UNC13C: variants seen among roughly 807,000 people sequenced by gnomAD.
UNC13C encodes the protein protein unc-13 homolog C.
In UNC13C, 174 loss-of-function variants were observed where a neutral mutation model predicts 245.4. The ratio of observed to expected loss-of-function variants is 0.71; its 90% CI spans 0.63 to 0.80. The LOEUF (loss-of-function observed/expected upper bound fraction) is 0.80, where lower values mean the gene tolerates loss of function less well. Ranked by LOEUF, UNC13C falls within the 30% of genes least tolerant of loss-of-function variation. UNC13C has a pLI of 0.00. For missense variants in UNC13C, 2,829 were observed against 2,602.9 expected (o/e 1.09, Z -1.89); for synonymous variants, 992 against 895.1 (o/e 1.11, Z -1.93).
At chr15:54,420,714 C>T (rs186139793) in intron 19 of UNC13C, among the ~76,000 whole-genome samples, 61 of 151,996 alleles carry the variant, frequency 4.0e-4, no homozygotes, top group African/African-American at 1.4e-3. Context: ...CTTCATTTCT[C>T]TCAGCCCTTC....
intron 28 of UNC13C, among the ~76,000 whole-genome samples, chr15:54,552,797 A>AAT (rs1896872727): frequency 1.0e-5 from 1 of 95,408 alleles, no homozygotes; most frequent in Non-Finnish European, 1.8e-5. Flanking sequence ...TATATAATAT[A>AAT]TTATATAGTA....
chr15:54,382,683 A>G (rs1385497728), intron 17 of UNC13C, among the ~76,000 whole-genome samples: 4 of 152,142 alleles, frequency 2.6e-5, no homozygotes, highest in African/African-American at 4.8e-5. Context: ...CTAACCCAAA[A>G]TTAGCAGAAG....
At chr15:54,411,632 T>C (rs1331183185) in intron 18 of UNC13C, among the ~76,000 whole-genome samples, 1 of 152,198 alleles carries the variant, frequency 6.6e-6, no homozygotes. Context: ...TTACACATTG[T>C]TGAAAATTAG....
At chr15:54,123,937 T>G (rs1471722255) in intron 2 of UNC13C, among the ~76,000 whole-genome samples, 1 of 152,194 alleles carries the variant, frequency 6.6e-6, no homozygotes, top group Non-Finnish European at 1.5e-5. Context: ...ATTATATAAA[T>G]GAAATTATAG....
At chr15:53,882,715 C>G in the UNC13C span, among the ~76,000 whole-genome samples, 3 of 152,114 alleles carry the variant, frequency 2.0e-5, no homozygotes, top group Non-Finnish European at 4.4e-5. Flanking sequence ...TGGAGTAAAA[C>G]CAGTGTATTC....
chr15:53,950,218 A>G, the UNC13C span, among the ~76,000 whole-genome samples: 1 of 152,186 alleles, frequency 6.6e-6, no homozygotes, highest in African/African-American at 2.4e-5. Flanking sequence ...ATCACGTGGA[A>G]CAAACCTTAT....
intron 30 of UNC13C, among the ~76,000 whole-genome samples, chr15:54,578,893 C>T (rs1160798118): frequency 6.6e-6 from 1 of 152,172 alleles, no homozygotes. Context: ...ACATGCCTGG[C>T]TCCTGGGTGC....
chr15:53,878,911 A>G, the UNC13C span, among the ~76,000 whole-genome samples: 1 of 152,182 alleles, frequency 6.6e-6, no homozygotes, highest in African/African-American at 2.4e-5. Flanking sequence ...TAACTTTTAG[A>G]AAATTTGCAA....
At chr15:54,612,258 A>G (rs1435075327) in intron 30 of UNC13C, among the ~76,000 whole-genome samples, 1 of 141,768 alleles carries the variant, frequency 7.1e-6, no homozygotes, top group Non-Finnish European at 1.5e-5. Context: ...TTTGTTTAAA[A>G]TATATGCTAA....
Position 54,013,666 on chromosome 15 carries a change from C to T in UNC13C, c.763C>T (p.Gln255Ter). 6.2e-7 allele frequency: 1 copy of T among 1,613,724 alleles called. No homozygotes were observed. Among genetic ancestry groups the T allele is most frequent in the Non-Finnish European group, 8.5e-7 (1 of 1,179,816 alleles). The change falls in exon 2 of 33, where the codon CAG becomes TAG. Residue 255 changes from glutamine to a stop codon, truncating the protein, a stop_gained. Transcript: ENST00000260323. LOFTEE classifies it high-confidence loss of function. ...CTTTAAGGAACTTCAGGGAATAAGT[C>T]AGATTGAAACAGAACTTTCTGAACT... Reference protein sequence around the residue: ...MIFKELQGISQIETELSELRG... With the variant: ...MIFKELQGIS
intron 2 of UNC13C, among the ~76,000 whole-genome samples, chr15:54,142,149 T>G (rs1310660354): frequency 6.6e-6 from 1 of 152,200 alleles, no homozygotes; most frequent in African/African-American, 2.4e-5. Flanking sequence ...GTAGACTCTA[T>G]CCTATGACCA....
chr15:54,423,273 G>T (rs67781205), intron 19 of UNC13C, among the ~76,000 whole-genome samples: 2 of 151,506 alleles, frequency 1.3e-5, no homozygotes, highest in African/African-American at 4.8e-5. Flanking sequence ...ATGAAACTTT[G>T]TAATTTCATT....
intron 4 of UNC13C, among the ~76,000 whole-genome samples, chr15:54,147,588 A>G (rs1347136386): frequency 6.6e-6 from 1 of 152,162 alleles, no homozygotes; most frequent in African/African-American, 2.4e-5. Flanking sequence ...TGTGAAACAC[A>G]TTTTTAATTA....
intron 19 of UNC13C, among the ~76,000 whole-genome samples, chr15:54,429,917 T>C (rs1267159202): frequency 6.6e-6 from 1 of 151,712 alleles, no homozygotes; most frequent in Non-Finnish European, 1.5e-5. Flanking sequence ...ATTTTAATGG[T>C]ATTTTATCTT....
the UNC13C span, among the ~76,000 whole-genome samples, chr15:53,965,258 C>T: frequency 0.13 from 19,247 of 152,016 alleles, 1,601 homozygotes; most frequent in East Asian, 0.3. Flanking sequence ...AACCCATGAC[C>T]CTTCAATCAT....
chr15:54,479,364 A>G (rs1012360192), intron 19 of UNC13C, among the ~76,000 whole-genome samples: 11 of 152,022 alleles, frequency 7.2e-5, no homozygotes, highest in African/African-American at 1.9e-4. Context: ...TTTTTAATGT[A>G]AAGTCTCTTT....
At chr15:54,442,008 T>G (rs1325781056) in intron 19 of UNC13C, among the ~76,000 whole-genome samples, 1 of 152,036 alleles carries the variant, frequency 6.6e-6, no homozygotes, top group African/African-American at 2.4e-5. Context: ...CACTACTGCT[T>G]TTGTGTATTG....
At chr15:54,053,960 A>G (rs147756493) in intron 2 of UNC13C, among the ~76,000 whole-genome samples, 144 of 152,282 alleles carry the variant, frequency 9.5e-4, no homozygotes, top group Middle Eastern at 3.4e-3. Context: ...TGTTGTTGCA[A>G]ATGACAGGAT....
intron 2 of UNC13C, among the ~76,000 whole-genome samples, chr15:54,121,410 A>G (rs968773690): frequency 6.7e-6 from 1 of 149,580 alleles, no homozygotes; most frequent in Non-Finnish European, 1.5e-5. Flanking sequence ...TAGGAAACCA[A>G]AAAAAGTGTG....
Sources: allele counts gnomAD v4.1 joint callset (sites outside exome capture counted in the v4.1 genomes callset), GRCh38; gene constraint gnomAD v4.1.1; transcripts MANE v1.5; gene names NCBI Gene and HGNC (gene_info 2026-07-23, HGNC 2026-07-21).